Variants in DMD observed in about 807,000 individuals in gnomAD.
DMD encodes dystrophin.
In DMD, 63 loss-of-function variants were observed where a neutral mutation model predicts 330.1. The ratio of observed to expected loss-of-function variants is 0.19; its 90% CI spans 0.16 to 0.24. The LOEUF is 0.24. Ranked by LOEUF, DMD falls within the 10% of genes least tolerant of loss-of-function variation. The probability of loss-of-function intolerance (pLI) is 1.00; values close to 1 mark genes in which losing one functional copy is unlikely to be tolerated. For missense variants in DMD, 3,344 were observed against 2,684.1 expected (o/e 1.25, Z -5.43); for synonymous variants, 1,223 against 959.8 (o/e 1.27, Z -5.07).
At chrX:32,459,423 G>T (rs1306817411) in intron 25 of DMD, among the ~76,000 whole-genome samples, 1 of 111,141 alleles carries the variant, frequency 9.0e-6, no homozygotes, top group South Asian at 3.8e-4. Flanking sequence ...AGGGATGGGA[G>T]CATGGGGAAA....
chrX:33,165,623 C>T (rs1026063520), intron 1 of DMD, among the ~76,000 whole-genome samples: 1 of 111,269 alleles, frequency 9.0e-6, no homozygotes, highest in Non-Finnish European at 1.9e-5. Context: ...TAATACAGCT[C>T]AGGAATGAAA....
At chrX:32,413,060 T>A (rs979192053) in intron 29 of DMD, among the ~76,000 whole-genome samples, 1 of 110,836 alleles carries the variant, frequency 9.0e-6, no homozygotes, top group African/African-American at 3.3e-5. Context: ...CCCTGTACCA[T>A]AAATTTTGAC....
At chrX:32,439,349 A>G (rs2098272720) in intron 28 of DMD, among the ~76,000 whole-genome samples, 1 of 111,411 alleles carries the variant, frequency 9.0e-6, no homozygotes, top group Non-Finnish European at 1.9e-5. Context: ...ATACATTTAT[A>G]TTAAAAAAAA....
intron 51 of DMD, among the ~76,000 whole-genome samples, chrX:31,763,768 T>C (rs527975940): frequency 6.0e-4 from 67 of 112,279 alleles, no homozygotes; most frequent in African/African-American, 2.1e-3. Flanking sequence ...AATAATTGGA[T>C]TTGGTCAGAA....
chrX:31,612,246 T>C (rs896965899), intron 55 of DMD, among the ~76,000 whole-genome samples: 2 of 111,960 alleles, frequency 1.8e-5, no homozygotes, highest in Non-Finnish European at 3.8e-5. Flanking sequence ...ATTTTGTGTC[T>C]GGTTTATTTC....
intron 2 of DMD, among the ~76,000 whole-genome samples, chrX:32,966,292 T>C (rs776267855): frequency 2.1e-4 from 23 of 111,536 alleles, no homozygotes; most frequent in South Asian, 7.5e-4. Flanking sequence ...AAGGGGTAAG[T>C]CTAGTGTTCT....
chrX:32,666,385 G>T (rs887538516), intron 9 of DMD, among the ~76,000 whole-genome samples: 8 of 110,377 alleles, frequency 7.2e-5, no homozygotes, highest in Non-Finnish European at 1.1e-4. Flanking sequence ...AGGCGATGGT[G>T]TGTGATGTTC....
intron 7 of DMD, among the ~76,000 whole-genome samples, chrX:32,719,165 C>G (rs925958441): frequency 2.7e-5 from 3 of 111,753 alleles, no homozygotes; most frequent in African/African-American, 9.7e-5. Flanking sequence ...CAGTGTTCCT[C>G]AAAGTATATC....
At position 32,658,996 on chromosome X, in the gene DMD, C is replaced by T. The variant is rs527364991; in HGVS notation, c.961-13844G>A. ...TGTAAGGCTCACAGACAACATACAG[C>T]GATTGTATTGACATTCAGCATCACC... On this transcript the variant is annotated intron_variant, in intron 9 of 78. Coordinates refer to ENST00000357033, the MANE Select transcript of DMD (RefSeq NM_004006.3). Among the ~76,000 whole-genome samples the T allele has an allele frequency of 1.7e-3, 187 of 111,844 alleles. 2 individuals are homozygous for T. The highest frequency in any genetic ancestry group is 4.6e-3 in the Middle Eastern group (1 of 217).
At chrX:32,660,009 G>A (rs1602641468) in intron 9 of DMD, among the ~76,000 whole-genome samples, 1 of 110,813 alleles carries the variant, frequency 9.0e-6, no homozygotes, top group Non-Finnish European at 1.9e-5. Context: ...CTATCCTGTT[G>A]GCTGAAAGCA....
chrX:31,147,633 T>G, intron 74 of DMD, 115 bp from the exon 75 acceptor site: 180 of 465,807 alleles, frequency 3.9e-4, no homozygotes, highest in Middle Eastern at 6.0e-4. Flanking sequence ...TAGATGCATC[T>G]GACTGCCACC....
chrX:32,655,593 T>A (rs1292502135), intron 9 of DMD, among the ~76,000 whole-genome samples: 1 of 112,029 alleles, frequency 8.9e-6, no homozygotes, highest in Non-Finnish European at 1.9e-5. Context: ...TGTGATGTGG[T>A]GCTGAGAAGA....
At chrX:32,329,330 T>C (rs1317188790) in intron 41 of DMD, among the ~76,000 whole-genome samples, 3 of 112,299 alleles carry the variant, frequency 2.7e-5, no homozygotes, top group African/African-American at 9.7e-5. Context: ...GGAGATAATG[T>C]TCACTCTGCA....
intron 1 of DMD, among the ~76,000 whole-genome samples, chrX:33,118,285 T>C (rs1341885029): frequency 9.2e-6 from 1 of 108,498 alleles, no homozygotes; most frequent in African/African-American, 3.4e-5. Flanking sequence ...TAATTTTTTG[T>C]ATTTTTAGTG....
chrX:31,314,276 G>T (rs1472068440), intron 62 of DMD, among the ~76,000 whole-genome samples: 2 of 112,322 alleles, frequency 1.8e-5, no homozygotes, highest in Non-Finnish European at 3.8e-5. Flanking sequence ...CAGATTACAT[G>T]GACTTATCTA....
intron 55 of DMD, among the ~76,000 whole-genome samples, chrX:31,518,111 G>C (rs1355217182): frequency 1.8e-5 from 2 of 111,090 alleles, no homozygotes; most frequent in Non-Finnish European, 3.8e-5. Context: ...CAGTTCTAAA[G>C]GACACAATTT....
At chrX:31,558,839 T>C (rs2075013524) in intron 55 of DMD, among the ~76,000 whole-genome samples, 1 of 111,125 alleles carries the variant, frequency 9.0e-6, no homozygotes, top group South Asian at 3.8e-4. Context: ...GTAGAATGCC[T>C]ATGGGCTATC....
chrX:32,564,969 T>A (rs145455135), intron 16 of DMD, among the ~76,000 whole-genome samples: 2,577 of 112,032 alleles, frequency 0.023, 29 homozygotes, highest in Middle Eastern at 0.076. Flanking sequence ...TGTTAAATAC[T>A]ATTATATATA....
chrX:31,716,551 C>CAACAAAACAA (rs751730837), intron 52 of DMD, among the ~76,000 whole-genome samples: 11,893 of 107,427 alleles, frequency 0.11, 730 homozygotes, highest in Admixed American at 0.26. Flanking sequence ...AACTCCATCT[C>CAACAAAACAA]AACAAAACAA....
Sources: allele counts gnomAD v4.1 joint callset (sites outside exome capture counted in the v4.1 genomes callset), GRCh38; gene constraint gnomAD v4.1.1; transcripts MANE v1.5; gene names NCBI Gene and HGNC (gene_info 2026-07-23, HGNC 2026-07-21).